The following ACADS variants were observed in gnomAD, a reference collection of about 807,000 sequenced individuals.
The protein encoded by ACADS is acyl-CoA dehydrogenase short chain, also known as short-chain specific acyl-CoA dehydrogenase, mitochondrial.
Under a neutral mutation model 46.8 loss-of-function variants are expected in ACADS, and 28 were observed. That is an observed-to-expected ratio of 0.60 (90% CI 0.44 to 0.82). The LOEUF (loss-of-function observed/expected upper bound fraction) is 0.82. Ranked by LOEUF, ACADS falls within the 40% of genes least tolerant of loss-of-function variation. The probability of loss-of-function intolerance (pLI) is 0.00; values close to 1 mark genes in which losing one functional copy is unlikely to be tolerated. For missense variants in ACADS, 528 were observed against 578.0 expected, an observed-to-expected ratio of 0.91 and a Z score of 0.89; for synonymous variants, 236 against 237.7, an observed-to-expected ratio of 0.99 and a Z score of 0.07.
chr12:120,729,502 G>C (rs1302383794), intron 2 of ACADS, among the ~76,000 whole-genome samples: 2 of 151,668 alleles, frequency 1.3e-5, no homozygotes, highest in Non-Finnish European at 2.9e-5. Context: ...AGGTGACCTG[G>C]CTGCCTCAGC....
At position 120,738,272 on chromosome 12, in the gene ACADS, C is replaced by A. The variant is rs781360868; in HGVS notation, c.625-8C>A. On this transcript the variant is annotated splice_region_variant and splice_polypyrimidine_tract_variant and intron_variant, in intron 5 of 9. Transcript: ENST00000242592. ...AGCTCTGAGAAAACCACCCGCCTCT[C>A]CTTTCAGGGCATCAGTGCCTTCCTG... The A allele has an allele frequency of 3.7e-6, 6 of 1,614,024 alleles. No homozygotes were observed. The South Asian group carries it at 5.5e-5, about 15-fold the overall frequency.
At chr12:120,734,753 A>C (rs930403517) in intron 2 of ACADS, among the ~76,000 whole-genome samples, 3 of 136,864 alleles carry the variant, frequency 2.2e-5, no homozygotes, top group African/African-American at 8.3e-5. Context: ...AAAAACAATA[A>C]TTTTTTTTTT....
chr12:120,726,005 G>C, intron 1 of ACADS, 74 bp downstream of exon 1: 1 of 1,421,806 alleles, frequency 7.0e-7, no homozygotes, highest in Non-Finnish European at 9.3e-7. Context: ...CCTGGCGGCC[G>C]GCTCTGTCAG....
At position 120,738,577 on chromosome 12, in the gene ACADS, G is replaced by C. The variant is rs1478195730; in HGVS notation, c.840G>C (p.Leu280=). 2.5e-6 allele frequency: 4 copies of C among 1,612,624 alleles called. No individual in the cohort carries two copies. The highest frequency in any genetic ancestry group is 3.4e-6 in the Non-Finnish European group (4 of 1,180,018). The change falls in exon 7 of 10, where the codon CTG becomes CTC. Residue 280 remains leucine (L), a synonymous_variant. Transcript: ENST00000242592. ...MGRIGIASQA[L]GIAQTALDCA... ...GCATCGGCATCGCCTCCCAGGCCCTGGGCATTGCCCAGACCGCCCTCGATT... is the reference window on the plus strand; with the variant it reads ...GCATCGGCATCGCCTCCCAGGCCCTCGGCATTGCCCAGACCGCCCTCGATT...
At chr12:120,737,757 G>T (rs695950) in intron 4 of ACADS, 80 bp from the exon 5 acceptor site, 20 of 1,590,622 alleles carry the variant, frequency 1.3e-5, no homozygotes, top group Middle Eastern at 3.5e-4. Context: ...TCTGCCAGCA[G>T]GGGTGTGGAG....
chr12:120,737,160 G>T, intron 3 of ACADS, 25 bp downstream of exon 3: 1 of 1,563,842 alleles, frequency 6.4e-7, no homozygotes, highest in Non-Finnish European at 8.7e-7. Context: ...AGGCCCCTGG[G>T]ACACACGGGT....
intron 2 of ACADS, among the ~76,000 whole-genome samples, chr12:120,730,453 C>T (rs1245367937): frequency 2.0e-5 from 3 of 152,042 alleles, no homozygotes; most frequent in Non-Finnish European, 2.9e-5. Flanking sequence ...CAGAGGGAGG[C>T]GGCGCTGTGT....
chr12:120,725,958 G>C, intron 1 of ACADS, 27 bp downstream of exon 1: 2 of 1,523,838 alleles, frequency 1.3e-6, no homozygotes, highest in South Asian at 2.4e-5. Flanking sequence ...TCCGTACGGC[G>C]GGGCTTCAGC....
intron 1 of ACADS, 112 bp from the exon 2 acceptor site, chr12:120,726,914 A>G (rs1464806534): frequency 8.3e-7 from 1 of 1,211,954 alleles, no homozygotes; most frequent in East Asian, 2.3e-5. Context: ...GGCTCCAGAC[A>G]TTGCCAGATG....
intron 2 of ACADS, among the ~76,000 whole-genome samples, chr12:120,736,170 T>TG (rs59063082): frequency 0.3 from 45,053 of 151,764 alleles, 7,383 homozygotes; most frequent in Admixed American, 0.42. Flanking sequence ...TTGGTAGAGA[T>TG]GGGGTCTTGC....
Position 120,739,593 on chromosome 12 carries a change from A to G in ACADS, c.*145A>G, listed in dbSNP as rs1246907734. On this transcript the variant is annotated 3_prime_UTR_variant, in exon 10 of 10. Coordinates refer to ENST00000242592, the MANE Select transcript of ACADS (RefSeq NM_000017.4). ...AGTGCTGCCACCCAGATCAGATCAC[A>G]TGGGAATGAGGCCCTCCGACCATTG... The G allele has an allele frequency of 2.1e-6, 2 of 932,598 alleles. No homozygotes were observed. Among genetic ancestry groups the G allele is most frequent in the Admixed American group, 2.5e-5 (1 of 39,908 alleles). 57.8% of individuals were successfully genotyped at this position (932,598 alleles called of 1,614,324 possible).
At chr12:120,735,898 CAAAATAAAATAAAAT>C (rs72432001) in intron 2 of ACADS, among the ~76,000 whole-genome samples, 4 of 149,586 alleles carry the variant, frequency 2.7e-5, no homozygotes, top group African/African-American at 9.9e-5. Context: ...TACTCTGTCA[CAAAATAAAATAAAAT>C]AAAATAAAAT....
intron 1 of ACADS, 27 bp from the exon 2 acceptor site, chr12:120,726,999 T>TCC (rs1883104414): frequency 6.2e-7 from 1 of 1,613,678 alleles, no homozygotes; most frequent in Admixed American, 1.7e-5. Flanking sequence ...GCCTCCTCCT[T>TCC]CCACTCACTT....
chr12:120,739,935 A>G lies in ACADS; in HGVS notation c.*487A>G. On this transcript the variant is annotated 3_prime_UTR_variant, in exon 10 of 10. Transcript: ENST00000242592. ...GCCCAGAGGCCCCTCAGCCCTTTGT[A>G]AAGTCTGATGAAGGCAGGGGTGGTG... The G allele has an allele frequency of 5.4e-6, 1 of 184,410 alleles. No individual in the cohort carries two copies. The highest frequency in any genetic ancestry group is 1.2e-4 in the South Asian group (1 of 8,654). 11.4% of individuals were successfully genotyped at this position (184,410 alleles called of 1,614,324 possible). A position where few individuals can be genotyped will look rare whatever the true frequency, so the allele number is the denominator to read the frequency against.
intron 2 of ACADS, among the ~76,000 whole-genome samples, chr12:120,733,861 A>G (rs1883349556): frequency 6.6e-6 from 1 of 151,742 alleles, no homozygotes; most frequent in Non-Finnish European, 1.5e-5. Flanking sequence ...AAAAAAAAAA[A>G]AAAAAAATAG....
intron 2 of ACADS, among the ~76,000 whole-genome samples, chr12:120,732,212 C>T (rs894715699): frequency 6.6e-6 from 1 of 150,836 alleles, no homozygotes; most frequent in African/African-American, 2.4e-5. Context: ...GTACGGGCGG[C>T]CGGGCAGAGG....
At chr12:120,732,934 T>C (rs1353798210) in intron 2 of ACADS, among the ~76,000 whole-genome samples, 2 of 152,232 alleles carry the variant, frequency 1.3e-5, no homozygotes, top group Non-Finnish European at 2.9e-5. Context: ...TGGGCAACAT[T>C]GAGCACTGAG....
At chr12:120,731,972 AGCATCCCAAG>A (rs1883261961) in intron 2 of ACADS, among the ~76,000 whole-genome samples, 1 of 152,270 alleles carries the variant, frequency 6.6e-6, no homozygotes, top group South Asian at 2.1e-4. Context: ...ATAGATCAAC[AGCATCCCAAG>A]GCAGAAGAAT....
chr12:120,739,590 C>A lies in ACADS; in HGVS notation c.*142C>A. ...CTCAGTGCTGCCACCCAGATCAGATCACATGGGAATGAGGCCCTCCGACCA... is the reference window on the plus strand; with the variant it reads ...CTCAGTGCTGCCACCCAGATCAGATAACATGGGAATGAGGCCCTCCGACCA... On this transcript the variant is annotated 3_prime_UTR_variant, in exon 10 of 10. Coordinates refer to ENST00000242592, the MANE Select transcript of ACADS (RefSeq NM_000017.4). 1 of 961,604 alleles carries A rather than the reference C, an allele frequency of 1.0e-6. No homozygotes were observed. The highest frequency in any genetic ancestry group is 1.5e-6 in the Non-Finnish European group (1 of 654,076). 59.6% of individuals were successfully genotyped at this position (961,604 alleles called of 1,614,324 possible). A position where few individuals can be genotyped will look rare whatever the true frequency, so the allele number is the denominator to read the frequency against.
Sources: gnomAD v4.1 joint callset for allele counts (sites outside exome capture counted in the v4.1 genomes callset) on GRCh38, gnomAD v4.1.1 for gene constraint, MANE v1.5 for transcripts, NCBI Gene and HGNC (gene_info 2026-07-23, HGNC 2026-07-21) for gene names.